The following SEL1L3 variants were observed in gnomAD, a reference collection of about 807,000 sequenced individuals.
SEL1L3 encodes protein sel-1 homolog 3.
SEL1L3 carries 76 observed loss-of-function variants against 142.8 expected under a neutral mutation model. The ratio of observed to expected loss-of-function variants is 0.53; its 90% CI spans 0.44 to 0.64. The LOEUF is 0.64. Among genes scored for constraint, SEL1L3 ranks in the 30% least tolerant of loss-of-function variants. The pLI, the probability that SEL1L3 is intolerant of heterozygous loss-of-function variation, is 0.00. For synonymous variants in SEL1L3, 504 were observed against 519.6 expected, an observed-to-expected ratio of 0.97 and a Z score of 0.41; for missense variants, 1,262 against 1,381.7, an observed-to-expected ratio of 0.91 and a Z score of 1.37.
intron 8 of SEL1L3, 112 bp downstream of exon 8, chr4:25,819,696 T>C (rs1714624109): frequency 4.1e-6 from 4 of 964,278 alleles, no homozygotes; most frequent in Non-Finnish European, 5.9e-6. Flanking sequence ...TCCCATCTGG[T>C]ATCTGAGCCA....
chr4:25,828,156 C>A (rs143217642), intron 6 of SEL1L3, among the ~76,000 whole-genome samples: 181 of 152,340 alleles, frequency 1.2e-3, no homozygotes, highest in African/African-American at 4.2e-3. Flanking sequence ...AAGCCACCCG[C>A]ACCCTCTCTT....
chr4:25,777,244 T>C (rs950353351), intron 16 of SEL1L3, among the ~76,000 whole-genome samples: 1 of 151,936 alleles, frequency 6.6e-6, no homozygotes, highest in African/African-American at 2.4e-5. Context: ...TCAACAGAGA[T>C]AAAGAAGACA....
chr4:25,804,771 A>G lies in SEL1L3; in HGVS notation c.1565-19T>C. ...CTTGGCACTGTAAATAACACAATTC[A>G]GAGCACACACAATTAATTACCATGG... On this transcript the variant is annotated intron_variant, in intron 9 of 23. Coordinates refer to ENST00000399878, the MANE Select transcript of SEL1L3 (RefSeq NM_015187.5). 6.5e-7 allele frequency: 1 copy of G among 1,527,648 alleles called. No homozygotes were observed. The highest frequency in any genetic ancestry group is 9.1e-7 in the Non-Finnish European group (1 of 1,102,626). The allele number at this position is 1,527,648 out of a possible 1,614,324, so 94.6% of individuals were successfully genotyped here. A position where few individuals can be genotyped will look rare whatever the true frequency, so the allele number is the denominator to read the frequency against.
chr4:25,775,216 G>A (rs953714346), intron 17 of SEL1L3, among the ~76,000 whole-genome samples: 1 of 152,172 alleles, frequency 6.6e-6, no homozygotes, highest in Non-Finnish European at 1.5e-5. Context: ...CTTTTTGATT[G>A]TGCAAAGTGA....
intron 11 of SEL1L3, among the ~76,000 whole-genome samples, chr4:25,797,207 C>T (rs1444225589): frequency 1.9e-4 from 29 of 151,198 alleles, no homozygotes; most frequent in African/African-American, 7.1e-4. Flanking sequence ...AAAAAAAAAC[C>T]CTCTAGTTGT....
At chr4:25,845,989 CCTGA>C (rs1259569456) in intron 2 of SEL1L3, among the ~76,000 whole-genome samples, 2 of 152,142 alleles carry the variant, frequency 1.3e-5, no homozygotes, top group African/African-American at 2.4e-5. Context: ...CCCCGCAGAT[CCTGA>C]CTAAGTAGAT....
intron 11 of SEL1L3, among the ~76,000 whole-genome samples, chr4:25,799,743 G>C (rs953683925): frequency 6.6e-6 from 1 of 152,220 alleles, no homozygotes; most frequent in African/African-American, 2.4e-5. Context: ...TGTTTGCAGG[G>C]AATGGAGATG....
chr4:25,838,347 T>G (rs559281796), intron 2 of SEL1L3, among the ~76,000 whole-genome samples: 1 of 152,342 alleles, frequency 6.6e-6, no homozygotes, highest in African/African-American at 2.4e-5. Flanking sequence ...TTGCTTGTAT[T>G]ATTTCCTCAA....
intron 19 of SEL1L3, 74 bp from the exon 20 acceptor site, chr4:25,765,509 TCA>T: frequency 3.2e-6 from 3 of 951,242 alleles, no homozygotes; most frequent in Non-Finnish European, 3.4e-6. Context: ...ATTGGCGCAT[TCA>T]CATGAATGCA....
chr4:25,859,873 T>C (rs982303087), intron 1 of SEL1L3, among the ~76,000 whole-genome samples: 3 of 152,244 alleles, frequency 2.0e-5, no homozygotes, highest in Non-Finnish European at 4.4e-5. Flanking sequence ...TCCTGCTTTG[T>C]ATATTTTAGA....
chr4:25,748,650 C>A, intron 23 of SEL1L3, 86 bp from the exon 24 acceptor site: 1 of 1,401,448 alleles, frequency 7.1e-7, no homozygotes, highest in Non-Finnish European at 9.7e-7. Flanking sequence ...TCTGGCAAGC[C>A]AGGAGAGATG....
intron 14 of SEL1L3, among the ~76,000 whole-genome samples, chr4:25,783,247 TGGGGTCA>T (rs992798860): frequency 1.3e-5 from 2 of 152,210 alleles, no homozygotes; most frequent in African/African-American, 4.8e-5. Flanking sequence ...GAGTTTCTGT[TGGGGTCA>T]GGAGTTGGAG....
intron 9 of SEL1L3, among the ~76,000 whole-genome samples, chr4:25,817,464 T>G (rs1236822078): frequency 6.6e-6 from 1 of 152,242 alleles, no homozygotes; most frequent in African/African-American, 2.4e-5. Flanking sequence ...ACTGAATTAC[T>G]AAGCAAACCC....
intron 15 of SEL1L3, 29 bp from the exon 16 acceptor site, chr4:25,779,232 T>A: frequency 6.2e-7 from 1 of 1,609,930 alleles, no homozygotes; most frequent in Non-Finnish European, 8.5e-7. Flanking sequence ...AAACATCGAG[T>A]CATCCTAGCT....
chr4:25,851,683 G>A (rs960289146), intron 1 of SEL1L3, among the ~76,000 whole-genome samples: 1 of 152,012 alleles, frequency 6.6e-6, no homozygotes, highest in African/African-American at 2.4e-5. Flanking sequence ...GAAGTCAAGA[G>A]ATCGAGACCA....
chr4:25,832,103 C>A (rs1340971112), intron 5 of SEL1L3, among the ~76,000 whole-genome samples: 2 of 152,136 alleles, frequency 1.3e-5, no homozygotes. Context: ...TTTAAGTAAA[C>A]AAACACACAT....
At chr4:25,757,113 C>A (rs1018523823) in intron 23 of SEL1L3, among the ~76,000 whole-genome samples, 1 of 151,758 alleles carries the variant, frequency 6.6e-6, no homozygotes, top group Non-Finnish European at 1.5e-5. Context: ...ACTAAAAATA[C>A]AAAAATTAGC....
rs534805934 is a variant in SEL1L3, at chr4:25,856,606, A to C, written c.162+6069T>G. Among the ~76,000 whole-genome samples the C allele has an allele frequency of 3.3e-4, 50 of 151,898 alleles. No individual in the cohort carries two copies. The South Asian group carries it at 4.2e-3, about 13-fold the overall frequency. On this transcript the variant is annotated intron_variant, in intron 1 of 23. Transcript: ENST00000399878. The stretch of plus-strand genomic sequence containing the variant: ...ATGTATTGTAATTAAAAAAAAAAAA[A>C]AAAAAAACAAAGAAATGGGCCAGTT...
intron 3 of SEL1L3, among the ~76,000 whole-genome samples, chr4:25,834,646 C>T (rs532686954): frequency 2.6e-5 from 4 of 152,284 alleles, no homozygotes; most frequent in South Asian, 4.1e-4. Context: ...CAAGAACATA[C>T]GCTCGGTAAA....
Sources: gnomAD v4.1 joint callset for allele counts (sites outside exome capture counted in the v4.1 genomes callset) on GRCh38, gnomAD v4.1.1 for gene constraint, MANE v1.5 for transcripts, NCBI Gene and HGNC (gene_info 2026-07-23, HGNC 2026-07-21) for gene names.